CLASP2: variants seen among roughly 807,000 people sequenced by gnomAD.
The protein encoded by CLASP2 is CLIP-associating protein 2.
CLASP2 carries 47 observed loss-of-function variants against 194.4 expected under a neutral mutation model. The ratio of observed to expected loss-of-function variants is 0.24; its 90% CI spans 0.19 to 0.31. CLASP2 has a LOEUF of 0.31. Ranked by LOEUF, CLASP2 falls within the 10% of genes least tolerant of loss-of-function variation. The pLI, the probability that CLASP2 is intolerant of heterozygous loss-of-function variation, is 1.00. For missense variants in CLASP2, 1,445 were observed against 1,823.6 expected (o/e 0.79, Z 3.78); for synonymous variants, 619 against 633.5 (o/e 0.98, Z 0.34).
At chr3:33,499,655 A>G (rs939088910) in intron 38 of CLASP2, among the ~76,000 whole-genome samples, 1 of 152,152 alleles carries the variant, frequency 6.6e-6, no homozygotes, top group African/African-American at 2.4e-5. Flanking sequence ...GGCCTAGGGC[A>G]GTTCTTTATA....
At chr3:33,707,042 A>G (rs763981491) in intron 1 of CLASP2, among the ~76,000 whole-genome samples, 1 of 152,230 alleles carries the variant, frequency 6.6e-6, no homozygotes, top group Non-Finnish European at 1.5e-5. Flanking sequence ...ACAATGACCA[A>G]ACAAGGAACA....
chr3:33,531,252 T>G (rs2056220293), intron 34 of CLASP2, among the ~76,000 whole-genome samples: 1 of 151,588 alleles, frequency 6.6e-6, no homozygotes, highest in Non-Finnish European at 1.5e-5. Flanking sequence ...ATCAACAGAG[T>G]AAAATGGCAA....
rs1168206060 is a variant in CLASP2, at chr3:33,576,367, A to G, written c.2348-92T>C. The G allele has an allele frequency of 1.7e-5, 14 of 842,896 alleles. No homozygotes were observed. The South Asian group carries it at 2.2e-4, about 13-fold the overall frequency. 52.2% of individuals were successfully genotyped at this position (842,896 alleles called of 1,614,324 possible). On this transcript the variant is annotated intron_variant, in intron 23 of 38. Transcript: ENST00000682230. ...ACTTTAAGACCTTTACAGGGGAAGG[A>G]AAAAAAACCAATGGGGCAAAGCATT...
chr3:33,698,090 T>C (rs924971599), intron 1 of CLASP2, among the ~76,000 whole-genome samples: 3 of 152,084 alleles, frequency 2.0e-5, no homozygotes, highest in African/African-American at 4.8e-5. Flanking sequence ...ATAAAGTATC[T>C]CTTGGTGGTA....
At chr3:33,570,823 T>A in intron 25 of CLASP2, 33 bp from the exon 26 acceptor site, 2 of 1,521,422 alleles carry the variant, frequency 1.3e-6, no homozygotes, top group Middle Eastern at 2.3e-4. Context: ...AATTAATATC[T>A]TGCTGTAGCA....
At chr3:33,515,955 T>G (rs2051207374) in intron 36 of CLASP2, 68 bp downstream of exon 36, 1 of 1,467,502 alleles carries the variant, frequency 6.8e-7, no homozygotes, top group Admixed American at 2.3e-5. Flanking sequence ...AGGCTACATT[T>G]TACACAATGG....
intron 34 of CLASP2, among the ~76,000 whole-genome samples, chr3:33,521,886 T>C (rs376316338): frequency 9.6e-5 from 8 of 83,454 alleles, no homozygotes; most frequent in Admixed American, 1.8e-4. Flanking sequence ...CACTCCCCCC[T>C]CCACCAGCCC....
intron 6 of CLASP2, among the ~76,000 whole-genome samples, chr3:33,674,486 A>G (rs1443412469): frequency 2.0e-5 from 3 of 151,396 alleles, no homozygotes; most frequent in Admixed American, 6.6e-5. Context: ...GAAAGCAGGA[A>G]AGATCCAAAA....
intron 34 of CLASP2, among the ~76,000 whole-genome samples, chr3:33,522,796 C>A (rs559109215): frequency 5.3e-5 from 8 of 152,270 alleles, no homozygotes; most frequent in Non-Finnish European, 1.0e-4. Flanking sequence ...AGTGGCCGGG[C>A]GCAGTGGCTC....
At chr3:33,560,664 G>T (rs901497725) in intron 28 of CLASP2, 144 bp downstream of exon 28, 4 of 672,222 alleles carry the variant, frequency 6.0e-6, no homozygotes, top group African/African-American at 5.4e-5. Context: ...TATACAATAT[G>T]AATGGGCATA....
At chr3:33,571,474 C>T (rs537631555) in intron 25 of CLASP2, among the ~76,000 whole-genome samples, 4 of 151,210 alleles carry the variant, frequency 2.6e-5, no homozygotes, top group South Asian at 4.2e-4. Flanking sequence ...ACTAAAAATA[C>T]AAAAAAGTAG....
At chr3:33,622,410 T>C (rs1283678497) in intron 10 of CLASP2, 130 bp from the exon 11 acceptor site, 8 of 567,244 alleles carry the variant, frequency 1.4e-5, no homozygotes, top group Admixed American at 4.2e-5. Flanking sequence ...TACATTACTA[T>C]ATTCAGACAT....
At chr3:33,511,733 A>C (rs1470765851) in intron 36 of CLASP2, among the ~76,000 whole-genome samples, 2 of 66,212 alleles carry the variant, frequency 3.0e-5, no homozygotes, top group Non-Finnish European at 6.4e-5. Context: ...AACCCCATCA[A>C]AAAGTGGGCG....
At chr3:33,644,027 C>A (rs568063924) in intron 8 of CLASP2, among the ~76,000 whole-genome samples, 2 of 151,706 alleles carry the variant, frequency 1.3e-5, no homozygotes, top group Non-Finnish European at 2.9e-5. Flanking sequence ...AATTAAATAC[C>A]CTTATTTTCA....
intron 29 of CLASP2, among the ~76,000 whole-genome samples, chr3:33,556,691 C>A (rs2060993184): frequency 6.6e-6 from 1 of 152,120 alleles, no homozygotes; most frequent in African/African-American, 2.4e-5. Context: ...CCTACCTTGG[C>A]CTCCCAAAGT....
chr3:33,706,700 G>C (rs1275456512), intron 1 of CLASP2, among the ~76,000 whole-genome samples: 2 of 152,128 alleles, frequency 1.3e-5, no homozygotes. Context: ...AGTGGCTCAT[G>C]CCTGTAATCC....
In CLASP2 at chr3:33,641,752, A is replaced by AT. The variant is rs74553715; in HGVS notation, c.862+3004dup. Among the ~76,000 whole-genome samples the AT allele has an allele frequency of 8.6e-3, 1,253 of 145,554 alleles. 11 individuals are homozygous for AT. Among genetic ancestry groups the AT allele is most frequent in the African/African-American group, 0.025 (995 of 40,136 alleles). ...TCACGATTCCAAAGAAGCTCACTGT[A>AT]TTTTTTTTTTTTTATTTTGGTAATC... On this transcript the variant is annotated intron_variant, in intron 8 of 38. Coordinates refer to ENST00000682230, the MANE Select transcript of CLASP2 (RefSeq NM_001365631.1).
intron 11 of CLASP2, among the ~76,000 whole-genome samples, chr3:33,621,520 T>C (rs2077106508): frequency 6.6e-6 from 1 of 152,190 alleles, no homozygotes; most frequent in Admixed American, 6.5e-5. Context: ...AATGGCAGTT[T>C]TGTTCCTTTT....
chr3:33,590,772 C>T (rs966207249), intron 21 of CLASP2, among the ~76,000 whole-genome samples: 1 of 152,156 alleles, frequency 6.6e-6, no homozygotes, highest in African/African-American at 2.4e-5. Context: ...ATGCCCCATT[C>T]TCTTTCCTGA....
Sources: gnomAD v4.1 joint callset for allele counts (sites outside exome capture counted in the v4.1 genomes callset) on GRCh38, gnomAD v4.1.1 for gene constraint, MANE v1.5 for transcripts, NCBI Gene and HGNC (gene_info 2026-07-23, HGNC 2026-07-21) for gene names.